The following NRG3 variants were observed in gnomAD, a reference collection of about 807,000 sequenced individuals.
The protein encoded by NRG3 is pro-neuregulin-3, membrane-bound isoform.
A neutral mutation model predicts 66.9 loss-of-function variants in NRG3; 31 were observed. That is an observed-to-expected ratio of 0.46 (90% CI 0.35 to 0.63). NRG3 has a LOEUF of 0.63. NRG3 is among the 20% of genes least tolerant of loss of function. The pLI is 0.00. For missense variants in NRG3, 910 were observed against 878.9 expected (o/e 1.04, Z -0.45); for synonymous variants, 393 against 359.4 (o/e 1.09, Z -1.06).
chr10:82,095,367 C>A (rs2132037954), intron 1 of NRG3, among the ~76,000 whole-genome samples: 1 of 152,016 alleles, frequency 6.6e-6, no homozygotes, highest in Non-Finnish European at 1.5e-5. Flanking sequence ...CTGCAATATT[C>A]TGTTCACCTA....
chr10:82,083,286 T>A lies in NRG3; in HGVS notation c.823+207123T>A, dbSNP rs150510242. 1.0e-3 allele frequency among the ~76,000 whole-genome samples: 159 copies of A among 151,972 alleles called. 3 individuals carry two copies. In the East Asian group the frequency reaches 0.027, roughly 26 times the overall value. On this transcript the variant is annotated intron_variant, in intron 1 of 8. Transcript: ENST00000372141. ...TATGATATAAATATATTTATATTTT[T>A]ATAAGTAATATACATAATTGCTATA...
At chr10:82,636,359 C>T (rs1379695603) in intron 2 of NRG3, among the ~76,000 whole-genome samples, 1 of 151,948 alleles carries the variant, frequency 6.6e-6, no homozygotes, top group Non-Finnish European at 1.5e-5. Context: ...ATCTAAATAC[C>T]ATTCTTCTCC....
At chr10:82,740,135 C>CTTCCCTTCCTGCCTCT (rs2058350875) in intron 3 of NRG3, among the ~76,000 whole-genome samples, 1 of 149,080 alleles carries the variant, frequency 6.7e-6, no homozygotes, top group African/African-American at 2.5e-5. Context: ...TATAATACTT[C>CTTCCCTTCCTGCCTCT]TTCCCTTCCT....
At chr10:81,876,781 G>C (rs1440252303) in intron 1 of NRG3, among the ~76,000 whole-genome samples, 3 of 152,114 alleles carry the variant, frequency 2.0e-5, no homozygotes, top group African/African-American at 7.2e-5. Flanking sequence ...GGCGATCCAA[G>C]GCAAAGGGCT....
At chr10:82,589,995 G>A (rs2046889662) in intron 2 of NRG3, among the ~76,000 whole-genome samples, 1 of 152,094 alleles carries the variant, frequency 6.6e-6, no homozygotes, top group African/African-American at 2.4e-5. Flanking sequence ...TTGTTTTCTT[G>A]CATATTATTT....
In NRG3 at chr10:82,471,156, T is replaced by C. The variant is rs554900794; in HGVS notation, c.953+112288T>C. On this transcript the variant is annotated intron_variant, in intron 2 of 8. Transcript: ENST00000372141. ...CGAAGGGTGAGAAGGGCAGGCTTTA[T>C]TGGATGAAAAGGGGAAAAAGGGAAA... 2.5e-3 allele frequency among the ~76,000 whole-genome samples: 386 copies of C among 152,228 alleles called. 1 individual carries two copies. The highest frequency in any genetic ancestry group is 8.8e-3 in the African/African-American group (367 of 41,542).
intron 2 of NRG3, among the ~76,000 whole-genome samples, chr10:82,527,187 A>G (rs569503490): frequency 6.2e-4 from 95 of 152,286 alleles, no homozygotes; most frequent in African/African-American, 1.9e-3. Context: ...AAAAAATTCT[A>G]TACAACAAAT....
At chr10:82,030,724 G>C (rs931206422) in intron 1 of NRG3, among the ~76,000 whole-genome samples, 1 of 149,302 alleles carries the variant, frequency 6.7e-6, no homozygotes, top group African/African-American at 2.5e-5. Context: ...GACCTCCACT[G>C]TCAAGTTGGG....
chr10:82,737,034 T>TC (rs2058188800), intron 2 of NRG3, among the ~76,000 whole-genome samples: 1 of 151,854 alleles, frequency 6.6e-6, no homozygotes, highest in South Asian at 2.1e-4. Flanking sequence ...ATTTATTTTT[T>TC]TATGACAAAT....
intron 2 of NRG3, among the ~76,000 whole-genome samples, chr10:82,462,504 AT>A (rs1286465424): frequency 2.0e-5 from 3 of 152,176 alleles, no homozygotes; most frequent in African/African-American, 7.2e-5. Context: ...GAGATTAGTA[AT>A]TTTGGGATGT....
intron 2 of NRG3, among the ~76,000 whole-genome samples, chr10:82,577,842 C>A (rs1396757902): frequency 6.6e-6 from 1 of 151,728 alleles, no homozygotes; most frequent in African/African-American, 2.4e-5. Context: ...AGGTTTTCTT[C>A]CTCTCAACAA....
At chr10:82,842,124 G>A (rs565641720) in intron 3 of NRG3, among the ~76,000 whole-genome samples, 30 of 152,218 alleles carry the variant, frequency 2.0e-4, no homozygotes, top group East Asian at 3.9e-4. Context: ...GGTGGTGTGC[G>A]CCTGTAATCC....
At chr10:82,858,070 T>A (rs1445107414) in intron 3 of NRG3, among the ~76,000 whole-genome samples, 9 of 152,212 alleles carry the variant, frequency 5.9e-5, no homozygotes, top group Admixed American at 5.2e-4. Context: ...AGATTGGATC[T>A]GGCTGCCACA....
chr10:82,408,133 A>AAG (rs1195534089), intron 2 of NRG3, among the ~76,000 whole-genome samples: 8 of 149,078 alleles, frequency 5.4e-5, no homozygotes, highest in African/African-American at 2.0e-4. Flanking sequence ...GAAAGAAAGA[A>AAG]AGAAAGAAAG....
At chr10:82,325,031 G>T (rs2081791067) in intron 1 of NRG3, among the ~76,000 whole-genome samples, 1 of 152,098 alleles carries the variant, frequency 6.6e-6, no homozygotes, top group Admixed American at 6.5e-5. Context: ...TGGTGGATTT[G>T]TCCATTTCTC....
Position 82,102,003 on chromosome 10 carries a change from G to GTATATATA in NRG3, c.823+225849_823+225856dup, listed in dbSNP as rs142461785. Reference sequence around the variant, plus strand: ...TTTACAGTTCTGTATATATGTGTGCGTATATATATATATATACGCACACAT... The same window carrying GTATATATA: ...TTTACAGTTCTGTATATATGTGTGCGTATATATATATATATATATATATACGCACACAT... On this transcript the variant is annotated intron_variant, in intron 1 of 8. Transcript: ENST00000372141. Among the ~76,000 whole-genome samples, 167 of 129,220 alleles carry GTATATATA rather than the reference G, an allele frequency of 1.3e-3. 1 individual carries two copies. The highest frequency in any genetic ancestry group is 4.2e-3 in the African/African-American group (152 of 36,008). The allele number at this position is 129,220 out of a possible 152,430, so 84.8% of individuals were successfully genotyped here.
At chr10:82,257,494 G>A (rs2077794484) in intron 1 of NRG3, among the ~76,000 whole-genome samples, 1 of 152,202 alleles carries the variant, frequency 6.6e-6, no homozygotes, top group Non-Finnish European at 1.5e-5. Flanking sequence ...TCTAGGCCGA[G>A]CGTGGTGGCT....
intron 1 of NRG3, among the ~76,000 whole-genome samples, chr10:82,068,459 G>A (rs991853461): frequency 6.6e-5 from 10 of 152,130 alleles, no homozygotes; most frequent in Non-Finnish European, 4.4e-5. Flanking sequence ...CAAAATAGAC[G>A]TTTCCTGCCC....
intron 1 of NRG3, among the ~76,000 whole-genome samples, chr10:82,132,483 T>TG (rs2068924833): frequency 9.7e-6 from 1 of 102,760 alleles, no homozygotes; most frequent in African/African-American, 5.2e-5. Context: ...ATATATGATA[T>TG]ATATATATGA....
Sources: gnomAD v4.1 joint callset for allele counts (sites outside exome capture counted in the v4.1 genomes callset) on GRCh38, gnomAD v4.1.1 for gene constraint, MANE v1.5 for transcripts, NCBI Gene and HGNC (gene_info 2026-07-23, HGNC 2026-07-21) for gene names.